The following PIK3C2B variants were observed in gnomAD, a reference collection of about 807,000 sequenced individuals.
The protein encoded by PIK3C2B is phosphatidylinositol-4-phosphate 3-kinase catalytic subunit type 2 beta, also known as phosphatidylinositol 4-phosphate 3-kinase C2 domain-containing subunit beta.
A neutral mutation model predicts 184.3 loss-of-function variants in PIK3C2B; 83 were observed. The observed-to-expected ratio is 0.45, with a 90% CI of 0.38 to 0.54. The LOEUF (loss-of-function observed/expected upper bound fraction) is 0.54, where lower values mean the gene tolerates loss of function less well. Among genes scored for constraint, PIK3C2B ranks in the 20% least tolerant of loss-of-function variants. The pLI is 0.00. For missense variants in PIK3C2B, 1,736 were observed against 2,113.5 expected, an observed-to-expected ratio of 0.82 and a Z score of 3.50; for synonymous variants, 779 against 837.6, an observed-to-expected ratio of 0.93 and a Z score of 1.21.
chr1:204,452,445 T>C (rs917747551), intron 12 of PIK3C2B, among the ~76,000 whole-genome samples: 20 of 149,358 alleles, frequency 1.3e-4, no homozygotes, highest in Non-Finnish European at 2.7e-4. Context: ...ACTTGGCTAA[T>C]TTTTTGTATT....
intron 12 of PIK3C2B, 107 bp downstream of exon 12, chr1:204,454,562 C>T (rs1477057612): frequency 1.7e-5 from 19 of 1,128,816 alleles, no homozygotes; most frequent in Non-Finnish European, 2.1e-5. Context: ...TAACAAGGAG[C>T]CTGGTTTTAT....
At position 204,454,653 on chromosome 1, in the gene PIK3C2B, T is replaced by TGGGGGAAGGGCTTACTGCTGGTCCC; in HGVS notation, c.2057_2066+15dup. On this transcript the variant is annotated intron_variant, in intron 12 of 32. Transcript: ENST00000684373. ...CTACAGTGGCCTGGGCACTGAAGCC[T>TGGGGGAAGGGCTTACTGCTGGTCCC]GGGGGAAGGGCTTACTGCTGGTCCC... is the stretch of plus-strand genomic sequence containing the variant. 2 of 1,611,690 alleles carry TGGGGGAAGGGCTTACTGCTGGTCCC rather than the reference T, an allele frequency of 1.2e-6. No individual in the cohort carries two copies. Among genetic ancestry groups the TGGGGGAAGGGCTTACTGCTGGTCCC allele is most frequent in the Non-Finnish European group, 1.7e-6 (2 of 1,179,832 alleles).
At chr1:204,431,237 GT>G in intron 28 of PIK3C2B, 1 of 240,902 alleles carries the variant, frequency 4.2e-6, no homozygotes, top group Admixed American at 4.8e-5. Context: ...GAATCGTGCC[GT>G]TTTTGTTTTT....
rs143689889 is a variant in PIK3C2B, at chr1:204,438,946, C to T, written c.3505G>A (p.Glu1169Lys). The change falls in exon 23 of 33, where the codon GAG becomes AAG. Residue 1169 changes from glutamate (E) to lysine (K), a missense_variant. Coordinates refer to ENST00000684373, the MANE Select transcript of PIK3C2B (RefSeq NM_001377334.1). ...WLQKHNPGEDEYEKAVENFIY... is the reference protein window; with the variant it reads ...WLQKHNPGEDKYEKAVENFIY... Reference sequence around the variant, plus strand: ...ACCCACAACCCTACCTTCTCATACTCGTCCTCCCCAGGGTTGTGTTTCTGC... The same window carrying T: ...ACCCACAACCCTACCTTCTCATACTTGTCCTCCCCAGGGTTGTGTTTCTGC... 85 of 1,613,590 alleles carry T rather than the reference C, an allele frequency of 5.3e-5. 3 individuals carry two copies. Among genetic ancestry groups the T allele is most frequent in the South Asian group, 4.2e-4 (38 of 91,082 alleles).
At chr1:204,487,709 T>C (rs1657717588) in intron 1 of PIK3C2B, among the ~76,000 whole-genome samples, 1 of 152,218 alleles carries the variant, frequency 6.6e-6, no homozygotes, top group Non-Finnish European at 1.5e-5. Flanking sequence ...AAATGCTGCC[T>C]AAGACTATAT....
intron 8 of PIK3C2B, 89 bp downstream of exon 8, chr1:204,459,789 C>G (rs1009937609): frequency 3.6e-6 from 4 of 1,120,978 alleles, no homozygotes; most frequent in African/African-American, 1.5e-5. Context: ...ACCCAGACCC[C>G]TCATAGTGCT....
rs764884228 is a variant in PIK3C2B at position 204,449,193 on chromosome 1, T to C, written c.2338A>G (p.Ile780Val). 1 of 1,608,542 alleles carries C rather than the reference T, an allele frequency of 6.2e-7. No individual in the cohort carries two copies. The highest frequency in any genetic ancestry group is 8.5e-7 in the Non-Finnish European group (1 of 1,176,582). Residue 780 changes from isoleucine (I) to valine (V), a missense_variant, in exon 14 of 33, where the codon ATC (isoleucine) becomes GTC (valine). Ile to Val is a conservative substitution (Grantham distance 29). Coordinates refer to ENST00000684373, the MANE Select transcript of PIK3C2B (RefSeq NM_001377334.1). The stretch of plus-strand genomic sequence containing the variant: ...AAGGGCTAAAGCCTCACCTGCAGGA[T>C]GACACTGTCTGGCTGGTGGAAATTA... ...APNFHQPDSVILQIDFPTSAF... is the reference protein window; with the variant it reads ...APNFHQPDSVVLQIDFPTSAF...
At chr1:204,465,405 T>C (rs1655677937) in intron 2 of PIK3C2B, 86 bp from the exon 3 acceptor site, 1 of 794,236 alleles carries the variant, frequency 1.3e-6, no homozygotes, top group Non-Finnish European at 2.2e-6. Context: ...ACTCAAACTC[T>C]AGATGAAAAG....
rs371771008 is a variant in PIK3C2B at position 204,442,623 on chromosome 1, C to T, written c.3059G>A (p.Arg1020His). The change falls in exon 20 of 33, where the codon CGC becomes CAC. Residue 1020 changes from arginine (R) to histidine (H), a missense_variant. Transcript: ENST00000684373. ...CTGCTTCACCTCCTCCAGGCCCGTG[C>T]GGAGGATTCCCTGGAAAGAAGGGGA... ...AAPSARQGILRTGLEEVKQFF... is the reference protein window; with the variant it reads ...AAPSARQGILHTGLEEVKQFF... 16 of 1,549,114 alleles carry T rather than the reference C, an allele frequency of 1.0e-5. No individual in the cohort carries two copies. The highest frequency in any genetic ancestry group is 5.9e-5 in the Admixed American group (3 of 50,986).
intron 20 of PIK3C2B, among the ~76,000 whole-genome samples, chr1:204,442,222 A>G (rs892499148): frequency 2.6e-5 from 4 of 152,158 alleles, no homozygotes; most frequent in Admixed American, 2.0e-4. Flanking sequence ...ACCTGTGCCC[A>G]TACCCCCGTC....
Position 204,433,994 on chromosome 1 carries a change from G to A in PIK3C2B, c.3687-45C>T. 2 of 1,546,716 alleles carry A rather than the reference G, an allele frequency of 1.3e-6. No homozygotes were observed. Among genetic ancestry groups the A allele is most frequent in the Non-Finnish European group, 1.8e-6 (2 of 1,120,946 alleles). On this transcript the variant is annotated intron_variant, in intron 24 of 32. Coordinates refer to ENST00000684373, the MANE Select transcript of PIK3C2B (RefSeq NM_001377334.1). The surrounding 1 kb of genome is among the most constrained non-coding windows in gnomAD (Gnocchi z 5.0). ...CAGGTAGAAGGTCAACATGGAGGAG[G>A]AAGCCCACCATATGGGCTGCATCAG...
chr1:204,449,541 G>T (rs1197205666), intron 13 of PIK3C2B, among the ~76,000 whole-genome samples: 1 of 152,190 alleles, frequency 6.6e-6, no homozygotes, highest in East Asian at 1.9e-4. Context: ...GCCTTCATGA[G>T]GTGGGGAGGC....
intron 8 of PIK3C2B, 71 bp from the exon 9 acceptor site, chr1:204,457,945 C>T: frequency 7.0e-7 from 1 of 1,421,298 alleles, no homozygotes; most frequent in Non-Finnish European, 9.7e-7. Context: ...CCTCCCCACC[C>T]CAGTCTTTAA....
chr1:204,436,018 A>C (rs1675324141), intron 23 of PIK3C2B, among the ~76,000 whole-genome samples: 1 of 152,208 alleles, frequency 6.6e-6, no homozygotes, highest in Non-Finnish European at 1.5e-5. Flanking sequence ...TTGGCTGAGA[A>C]AATAGCTGTG....
At chr1:204,482,812 G>A (rs756615640) in intron 1 of PIK3C2B, among the ~76,000 whole-genome samples, 9 of 152,084 alleles carry the variant, frequency 5.9e-5, no homozygotes, top group Non-Finnish European at 1.2e-4. Context: ...GATGCCTGTG[G>A]TGTCCCAGAA....
intron 1 of PIK3C2B, among the ~76,000 whole-genome samples, chr1:204,477,559 G>C (rs981861860): frequency 1.3e-5 from 2 of 152,154 alleles, no homozygotes; most frequent in Non-Finnish European, 2.9e-5. Context: ...AGAGTCAAAG[G>C]ATGGAAAGAA....
intron 1 of PIK3C2B, among the ~76,000 whole-genome samples, chr1:204,480,801 A>G (rs1432264652): frequency 6.6e-6 from 1 of 152,068 alleles, no homozygotes; most frequent in Non-Finnish European, 1.5e-5. Flanking sequence ...GGCGCCGACC[A>G]GCCCCCGCGC....
chr1:204,487,483 C>A (rs143225118), intron 1 of PIK3C2B, among the ~76,000 whole-genome samples: 2 of 152,304 alleles, frequency 1.3e-5, no homozygotes, highest in Non-Finnish European at 2.9e-5. Context: ...TGCTCCAGTA[C>A]AGAACTGTTA....
At chr1:204,432,774 G>A (rs929275757) in intron 26 of PIK3C2B, among the ~76,000 whole-genome samples, 3 of 152,146 alleles carry the variant, frequency 2.0e-5, no homozygotes, top group Non-Finnish European at 2.9e-5. Flanking sequence ...CAGCGGGAGA[G>A]GTCCTGTGTT....
Sources: allele counts gnomAD v4.1 joint callset (sites outside exome capture counted in the v4.1 genomes callset), GRCh38; gene constraint gnomAD v4.1.1; non-coding constraint Gnocchi (gnomAD v3.1); transcripts MANE v1.5; gene names NCBI Gene and HGNC (gene_info 2026-07-23, HGNC 2026-07-21).